The following RNF212B variants were observed in gnomAD, a reference collection of about 807,000 sequenced individuals.
The protein encoded by RNF212B is E3 ubiquitin-protein ligase RNF212B.
RNF212B carries 52 observed loss-of-function variants against 55.5 expected under a neutral mutation model. The ratio of observed to expected loss-of-function variants is 0.94; its 90% CI spans 0.75 to 1.18. The LOEUF is 1.18. Ranked by LOEUF, RNF212B falls within the 50% of genes most tolerant of loss-of-function variation. The probability of loss-of-function intolerance (pLI) is 0.00; values close to 1 mark genes in which losing one functional copy is unlikely to be tolerated. For synonymous variants in RNF212B, 99 were observed against 121.4 expected (o/e 0.82, Z 1.21); for missense variants, 289 against 350.4 (o/e 0.82, Z 1.40).
intron 2 of RNF212B, among the ~76,000 whole-genome samples, chr14:23,208,830 G>C (rs12879214): frequency 0.85 from 122,588 of 143,578 alleles, 52,556 homozygotes; most frequent in East Asian, 0.91. Context: ...GCGATCTCAG[G>C]TCACTGCAAG....
intron 2 of RNF212B, among the ~76,000 whole-genome samples, chr14:23,214,035 A>G (rs1328014934): frequency 9.2e-5 from 14 of 152,200 alleles, no homozygotes. Flanking sequence ...GCACAGGAGG[A>G]TCACTTGAGC....
chr14:23,228,376 G>A (rs1460025752), intron 2 of RNF212B, among the ~76,000 whole-genome samples: 3 of 149,764 alleles, frequency 2.0e-5, no homozygotes, highest in African/African-American at 7.4e-5. Flanking sequence ...TGTAATCCCA[G>A]AGCTTTGGGA....
chr14:23,244,730 T>C (rs1883866542), intron 4 of RNF212B, among the ~76,000 whole-genome samples: 1 of 152,244 alleles, frequency 6.6e-6, no homozygotes, highest in South Asian at 2.1e-4. Context: ...GCTTTGAGTA[T>C]ATAGGCCTGG....
intron 2 of RNF212B, among the ~76,000 whole-genome samples, chr14:23,228,758 G>T (rs1180148350): frequency 1.3e-5 from 2 of 152,310 alleles, no homozygotes; most frequent in East Asian, 3.9e-4. Flanking sequence ...GTAAGTGACA[G>T]TATGGTATTG....
At chr14:23,251,699 C>T (rs559870801) in intron 4 of RNF212B, among the ~76,000 whole-genome samples, 15 of 151,914 alleles carry the variant, frequency 9.9e-5, no homozygotes, top group South Asian at 4.2e-4. Flanking sequence ...GCCTGTAATC[C>T]CAGCTACTCT....
chr14:23,266,404 G>GTTTTTTTTTTTTTTTTTTTTTTTTT (rs57731750), intron 11 of RNF212B, among the ~76,000 whole-genome samples: 2 of 46,872 alleles, frequency 4.3e-5, no homozygotes, highest in African/African-American at 1.3e-4. Flanking sequence ...CCTTTTAAAT[G>GTTTTTTTTTTTTTTTTTTTTTTTTT]TTTTTTTTTT....
At chr14:23,251,963 C>T (rs776769563) in intron 4 of RNF212B, among the ~76,000 whole-genome samples, 3 of 152,184 alleles carry the variant, frequency 2.0e-5, no homozygotes, top group African/African-American at 4.8e-5. Flanking sequence ...AACTTGGTAA[C>T]TCTCTGAACC....
At chr14:23,229,220 T>TTTTATTTA (rs1183907201) in intron 2 of RNF212B, among the ~76,000 whole-genome samples, 1 of 65,036 alleles carries the variant, frequency 1.5e-5, no homozygotes, top group Non-Finnish European at 3.0e-5. Context: ...GAATAATATT[T>TTTTATTTA]TATATATATA....
intron 4 of RNF212B, among the ~76,000 whole-genome samples, chr14:23,246,582 A>G (rs894111933): frequency 2.0e-5 from 3 of 152,126 alleles, no homozygotes; most frequent in Non-Finnish European, 4.4e-5. Context: ...TAAAAACTGT[A>G]AAGTACTTTA....
intron 7 of RNF212B, 81 bp from the exon 8 acceptor site, chr14:23,262,584 A>G: frequency 8.4e-7 from 1 of 1,191,872 alleles, no homozygotes; most frequent in Non-Finnish European, 1.2e-6. Flanking sequence ...TTCTATAAAC[A>G]ATGATCTGAT....
intron 12 of RNF212B, 72 bp from the exon 13 acceptor site, chr14:23,269,791 C>T: frequency 1.2e-6 from 1 of 808,008 alleles, no homozygotes; most frequent in Non-Finnish European, 2.1e-6. Flanking sequence ...TAGGCTCTTC[C>T]ATTACATATG....
At chr14:23,236,842 T>C (rs926853697), upstream of RNF212B, among the ~76,000 whole-genome samples, 5 of 151,348 alleles carry the variant, frequency 3.3e-5, no homozygotes, top group Non-Finnish European at 7.4e-5. Flanking sequence ...CTGAACACAA[T>C]ATAAGGGGAT....
At chr14:23,260,863 C>A (rs1885244514) in intron 7 of RNF212B, among the ~76,000 whole-genome samples, 176 bp downstream of exon 7, 1 of 152,204 alleles carries the variant, frequency 6.6e-6, no homozygotes, top group Admixed American at 6.5e-5. Flanking sequence ...GTAATGCTCA[C>A]CCTGGATTGT....
At chr14:23,264,770 T>C (rs1594949609) in intron 11 of RNF212B, 99 bp downstream of exon 11, 1 of 328,000 alleles carries the variant, frequency 3.0e-6, no homozygotes, top group Non-Finnish European at 4.3e-6. Context: ...ATTTCACTTG[T>C]TTTTTTTTCC....
In RNF212B at chr14:23,240,392, A is replaced by G. The variant is rs1048777968; in HGVS notation, c.47A>G (p.His16Arg). The change falls in exon 2 of 15, where the codon CAT becomes CGT. Residue 16 changes from histidine (H) to arginine (R), a missense_variant. Physicochemically the swap from His to Arg is conservative, Grantham distance 29 (BLOSUM62 0). Coordinates refer to ENST00000430154, the MANE Select transcript of RNF212B (RefSeq NM_001282322.3). ...CNQCFRKDGAHFFVTSCGHIF... is the reference protein window; with the variant it reads ...CNQCFRKDGARFFVTSCGHIF... ...CAGTGCTTCCGAAAAGATGGGGCCC[A>G]TTTCTTTGTCACCAGCTGTGGCCAT... 1.7e-5 allele frequency: 26 copies of G among 1,550,204 alleles called. No homozygotes were observed. The highest frequency in any genetic ancestry group is 1.7e-4 in the Middle Eastern group (1 of 6,012).
At chr14:23,236,043 G>A (rs1883067414), upstream of RNF212B, among the ~76,000 whole-genome samples, 1 of 152,098 alleles carries the variant, frequency 6.6e-6, no homozygotes, top group African/African-American at 2.4e-5. Context: ...GAATCCAAAT[G>A]TTCTTCACAC....
chr14:23,270,723 T>G, intron 14 of RNF212B, 62 bp downstream of exon 14: 4 of 1,100,408 alleles, frequency 3.6e-6, no homozygotes, highest in Non-Finnish European at 5.4e-6. Context: ...GCCTGCACAC[T>G]AAATGCCTCA....
intron 4 of RNF212B, among the ~76,000 whole-genome samples, chr14:23,251,801 T>A (rs35728517): frequency 9.5e-5 from 14 of 147,650 alleles, no homozygotes; most frequent in Non-Finnish European, 1.2e-4. Context: ...GGCAACAGAG[T>A]GAGACTCTGT....
At chr14:23,190,212 A>G (rs1877995716) in intron 1 of RNF212B, among the ~76,000 whole-genome samples, 2 of 151,966 alleles carry the variant, frequency 1.3e-5, no homozygotes, top group Admixed American at 1.3e-4. Flanking sequence ...ATCCAGTCCC[A>G]TGGCTTTCAG....
Sources: gnomAD v4.1 joint callset for allele counts (sites outside exome capture counted in the v4.1 genomes callset) on GRCh38, gnomAD v4.1.1 for gene constraint, MANE v1.5 for transcripts, NCBI Gene and HGNC (gene_info 2026-07-23, HGNC 2026-07-21) for gene names.